GRIP1: variants seen among roughly 807,000 people sequenced by gnomAD.
GRIP1 encodes glutamate receptor-interacting protein 1.
A neutral mutation model predicts 129.9 loss-of-function variants in GRIP1; 45 were observed. That is an observed-to-expected ratio of 0.35 (90% CI 0.27 to 0.44). GRIP1 has a LOEUF of 0.44. Among genes scored for constraint, GRIP1 ranks in the 20% least tolerant of loss-of-function variants. The pLI, the probability that GRIP1 is intolerant of heterozygous loss-of-function variation, is 1.00. For missense variants in GRIP1, 1,196 were observed against 1,396.8 expected (o/e 0.86, Z 2.29); for synonymous variants, 530 against 520.8 (o/e 1.02, Z -0.24).
At chr12:66,629,631 G>C (rs1359183702) in intron 1 of GRIP1, among the ~76,000 whole-genome samples, 1 of 152,124 alleles carries the variant, frequency 6.6e-6, no homozygotes, top group Non-Finnish European at 1.5e-5. Flanking sequence ...AAAAGAACGT[G>C]GTTAATTATT....
intron 1 of GRIP1, among the ~76,000 whole-genome samples, chr12:66,973,378 CTTTTTTT>C (rs55729292): frequency 7.7e-6 from 1 of 129,496 alleles, no homozygotes; most frequent in Non-Finnish European, 1.6e-5. Context: ...CTTTTTCATT[CTTTTTTT>C]TTTTTTTTTT....
intron 1 of GRIP1, among the ~76,000 whole-genome samples, chr12:66,928,208 G>A (rs2041328131): frequency 6.6e-6 from 1 of 152,248 alleles, no homozygotes; most frequent in African/African-American, 2.4e-5. Flanking sequence ...AATATTGCTT[G>A]AACTCCAAAT....
intron 1 of GRIP1, among the ~76,000 whole-genome samples, chr12:66,866,330 A>G (rs2040203895): frequency 6.6e-6 from 1 of 152,068 alleles, no homozygotes; most frequent in Admixed American, 6.6e-5. Context: ...AAAGTTAGCC[A>G]AGTGTAGTGG....
At chr12:66,369,817 C>T (rs1592708360) in intron 23 of GRIP1, among the ~76,000 whole-genome samples, 1 of 152,174 alleles carries the variant, frequency 6.6e-6, no homozygotes, top group African/African-American at 2.4e-5. Context: ...GCAATTTAAT[C>T]ACCATTGGAC....
At chr12:66,987,428 T>G (rs1009222489) in intron 1 of GRIP1, among the ~76,000 whole-genome samples, 1 of 152,212 alleles carries the variant, frequency 6.6e-6, no homozygotes, top group African/African-American at 2.4e-5. Flanking sequence ...CCTTGCCTTC[T>G]TATCAACCTA....
At chr12:66,902,835 G>A (rs115327108) in intron 1 of GRIP1, among the ~76,000 whole-genome samples, 3,706 of 152,200 alleles carry the variant, frequency 0.024, 77 homozygotes, top group Middle Eastern at 0.058. Flanking sequence ...TGTTGTTAGC[G>A]CTTTTGAATT....
intron 1 of GRIP1, among the ~76,000 whole-genome samples, chr12:66,895,904 T>C (rs1180902658): frequency 6.6e-6 from 1 of 152,012 alleles, no homozygotes; most frequent in Non-Finnish European, 1.5e-5. Context: ...AAAATGACTA[T>C]GGCCACTTCT....
At chr12:66,838,815 C>A (rs1351256849) in intron 1 of GRIP1, among the ~76,000 whole-genome samples, 2 of 152,098 alleles carry the variant, frequency 1.3e-5, no homozygotes, top group Non-Finnish European at 2.9e-5. Flanking sequence ...GAAAGGATGA[C>A]AGAATAGGCA....
intron 1 of GRIP1, among the ~76,000 whole-genome samples, chr12:66,946,251 C>T (rs765265322): frequency 2.0e-5 from 3 of 152,154 alleles, no homozygotes; most frequent in African/African-American, 7.2e-5. Context: ...TTATTTTACT[C>T]TCTTATTTAG....
Position 66,604,695 on chromosome 12 carries a change from A to G in GRIP1, c.56-7768T>C, listed in dbSNP as rs368102174. 2.6e-4 allele frequency among the ~76,000 whole-genome samples: 40 copies of G among 152,254 alleles called. 1 individual carries two copies. Among genetic ancestry groups the G allele is most frequent in the African/African-American group, 8.9e-4 (37 of 41,546 alleles). ...AGCTTTAGAATGACAATTTGGTGCAAAATTTGGATTGCCTCAGCTGACATT... is the reference window on the plus strand; with the variant it reads ...AGCTTTAGAATGACAATTTGGTGCAGAATTTGGATTGCCTCAGCTGACATT... On this transcript the variant is annotated intron_variant, in intron 1 of 24. Transcript: ENST00000359742.
intron 2 of GRIP1, among the ~76,000 whole-genome samples, chr12:66,565,921 TTGTC>T (rs1288604331): frequency 6.6e-6 from 1 of 151,994 alleles, no homozygotes; most frequent in African/African-American, 2.4e-5. Context: ...ATTTCACTGT[TTGTC>T]TGTTACTGGT....
chr12:66,607,827 C>T (rs1303382663), intron 1 of GRIP1, among the ~76,000 whole-genome samples: 5 of 152,178 alleles, frequency 3.3e-5, no homozygotes, highest in Admixed American at 3.3e-4. Flanking sequence ...AGGTGATTAA[C>T]CCACTAGCCA....
intron 1 of GRIP1, among the ~76,000 whole-genome samples, chr12:66,703,612 G>A (rs969469959): frequency 2.0e-5 from 3 of 152,084 alleles, no homozygotes; most frequent in Admixed American, 2.0e-4. Flanking sequence ...ATGGGTGTCA[G>A]GAGAGGAAGA....
intron 1 of GRIP1, among the ~76,000 whole-genome samples, chr12:67,057,723 T>C (rs894698575): frequency 6.6e-6 from 1 of 152,224 alleles, no homozygotes; most frequent in Non-Finnish European, 1.5e-5. Flanking sequence ...CAAAGCCAGA[T>C]GAGGCGCTTT....
At chr12:66,977,811 T>TGCA (rs1421866841) in intron 1 of GRIP1, among the ~76,000 whole-genome samples, 28 of 88,032 alleles carry the variant, frequency 3.2e-4, no homozygotes, top group African/African-American at 1.3e-3. Context: ...CTGAGCATTT[T>TGCA]TTTTTTTTTT....
chr12:66,734,827 C>T (rs1017479658), intron 1 of GRIP1, among the ~76,000 whole-genome samples: 2 of 152,032 alleles, frequency 1.3e-5, no homozygotes, highest in Admixed American at 6.6e-5. Flanking sequence ...AGAAACATCG[C>T]TAGACTAATT....
chr12:66,994,556 G>A (rs1376034803), intron 1 of GRIP1, among the ~76,000 whole-genome samples: 1 of 151,688 alleles, frequency 6.6e-6, no homozygotes, highest in Non-Finnish European at 1.5e-5. Context: ...CTATATACTT[G>A]CAATAAGGAA....
intron 1 of GRIP1, among the ~76,000 whole-genome samples, chr12:67,047,233 A>G (rs1040633969): frequency 1.3e-5 from 2 of 152,184 alleles, no homozygotes; most frequent in African/African-American, 4.8e-5. Flanking sequence ...ATTTAAACAG[A>G]ATTTTGCAAA....
intron 1 of GRIP1, among the ~76,000 whole-genome samples, chr12:66,615,163 G>A (rs2064985613): frequency 1.3e-5 from 2 of 152,094 alleles, no homozygotes; most frequent in Non-Finnish European, 2.9e-5. Flanking sequence ...GTAAGTATTG[G>A]CTGAATATTT....
Sources: gnomAD v4.1 joint callset for allele counts (sites outside exome capture counted in the v4.1 genomes callset) on GRCh38, gnomAD v4.1.1 for gene constraint, MANE v1.5 for transcripts, NCBI Gene and HGNC (gene_info 2026-07-23, HGNC 2026-07-21) for gene names.